MAP2: variants seen among roughly 807,000 people sequenced by gnomAD.
The protein encoded by MAP2 is microtubule associated protein 2.
Under a neutral mutation model 137.6 loss-of-function variants are expected in MAP2, and 14 were observed. That is an observed-to-expected ratio of 0.10 (90% confidence interval 0.07 to 0.16). The LOEUF (loss-of-function observed/expected upper bound fraction) is 0.16. Ranked by LOEUF, MAP2 falls within the 10% of genes least tolerant of loss-of-function variation. The pLI is 1.00. For missense variants in MAP2, 2,088 were observed against 2,191.5 expected (o/e 0.95, Z 0.94); for synonymous variants, 786 against 782.3 (o/e 1.00, Z -0.08).
intron 2 of MAP2, among the ~76,000 whole-genome samples, chr2:209,577,026 A>T (rs1048657567): frequency 6.6e-6 from 1 of 152,162 alleles, no homozygotes; most frequent in African/African-American, 2.4e-5. Context: ...GGACCCTGTT[A>T]TGTGCTTTCA....
chr2:209,704,788 A>T (rs1003387802), intron 11 of MAP2, among the ~76,000 whole-genome samples: 1 of 152,078 alleles, frequency 6.6e-6, no homozygotes, highest in African/African-American at 2.4e-5. Context: ...AAATTTTGAT[A>T]AACAGTATAC....
intron 2 of MAP2, among the ~76,000 whole-genome samples, chr2:209,535,738 G>T (rs2065860580): frequency 6.6e-6 from 1 of 151,668 alleles, no homozygotes; most frequent in Non-Finnish European, 1.5e-5. Flanking sequence ...TATGTTGTAG[G>T]TATTTTTCGA....
chr2:209,523,529 G>A (rs1396777), intron 2 of MAP2, among the ~76,000 whole-genome samples: 29,343 of 152,042 alleles, frequency 0.19, 3,458 homozygotes, highest in Non-Finnish European at 0.26. Flanking sequence ...GCTGGAGGCT[G>A]GACCCAAATG....
chr2:209,550,733 A>G (rs2069000931), intron 2 of MAP2, among the ~76,000 whole-genome samples: 1 of 152,126 alleles, frequency 6.6e-6, no homozygotes, highest in Admixed American at 6.5e-5. Flanking sequence ...AGAAGTCCCA[A>G]TAATATAATG....
At chr2:209,609,951 G>A (rs1206286611) in intron 3 of MAP2, among the ~76,000 whole-genome samples, 1 of 152,000 alleles carries the variant, frequency 6.6e-6, no homozygotes, top group East Asian at 1.9e-4. Flanking sequence ...TACTTATGGA[G>A]CACTAAGTGT....
chr2:209,489,051 T>A (rs758236887), intron 1 of MAP2, among the ~76,000 whole-genome samples: 1 of 152,152 alleles, frequency 6.6e-6, no homozygotes, highest in Non-Finnish European at 1.5e-5. Flanking sequence ...CTGGCTGGCA[T>A]CTGGTGGGTG....
At position 209,642,958 on chromosome 2, in the gene MAP2, G is replaced by A. The variant is rs529689595; in HGVS notation, c.-29-10184G>A. 5.8e-4 allele frequency among the ~76,000 whole-genome samples: 89 copies of A among 152,270 alleles called. 1 individual carries two copies. Among genetic ancestry groups the A allele is most frequent in the African/African-American group, 2.0e-3 (85 of 41,572 alleles). On this transcript the variant is annotated intron_variant, in intron 4 of 15. Coordinates refer to ENST00000682079, the MANE Select transcript of MAP2 (RefSeq NM_001375505.1). ...CTGATATGCATAGTAACAGTATAAA[G>A]CATAATTGAGCCTACATGGAAAAGA...
At chr2:209,545,038 GA>G (rs1040936449) in intron 2 of MAP2, among the ~76,000 whole-genome samples, 3 of 150,834 alleles carry the variant, frequency 2.0e-5, no homozygotes, top group African/African-American at 2.4e-5. Flanking sequence ...TGCCTGTTAG[GA>G]AAAAAAAATA....
chr2:209,732,705 G>C lies in MAP2; in HGVS notation c.*2308G>C, dbSNP rs2075929577. ...AACATTCTTTAAAGTTTTTATATAA[G>C]TTAACACTAGGTAAACATTCTGCAT... On this transcript the variant is annotated 3_prime_UTR_variant, in exon 16 of 16. Transcript: ENST00000682079. 6.6e-6 allele frequency: 1 copy of C among 152,414 alleles called. No homozygotes were observed. The highest frequency in any genetic ancestry group is 2.4e-5 in the African/African-American group (1 of 41,362). 9.4% of individuals were successfully genotyped at this position (152,414 alleles called of 1,614,324 possible).
intron 1 of MAP2, among the ~76,000 whole-genome samples, chr2:209,427,171 T>C (rs988228300): frequency 3.9e-5 from 6 of 152,176 alleles, no homozygotes; most frequent in African/African-American, 1.4e-4. Context: ...ATTGAATCCT[T>C]TCAATACTTA....
chr2:209,665,701 A>G (rs1296417012), intron 5 of MAP2, among the ~76,000 whole-genome samples: 7 of 152,176 alleles, frequency 4.6e-5, no homozygotes, highest in African/African-American at 1.4e-4. Flanking sequence ...TTATTTGCAA[A>G]TGAGTTCTTA....
intron 1 of MAP2, among the ~76,000 whole-genome samples, chr2:209,436,507 T>A (rs979575353): frequency 9.2e-5 from 14 of 151,820 alleles, no homozygotes; most frequent in Admixed American, 2.0e-4. Context: ...GACTGTATTT[T>A]GTCAACCCCT....
At chr2:209,704,677 T>C (rs2062850284) in intron 11 of MAP2, 1 of 1,472,362 alleles carries the variant, frequency 6.8e-7, no homozygotes, top group Admixed American at 2.3e-5. Flanking sequence ...GAGAAGGTTA[T>C]GTTATAGAAC....
At chr2:209,716,030 G>A (rs555809457) in intron 13 of MAP2, among the ~76,000 whole-genome samples, 20 of 152,144 alleles carry the variant, frequency 1.3e-4, no homozygotes, top group African/African-American at 4.6e-4. Context: ...CTACCTTAGC[G>A]CAGGATACAT....
At chr2:209,655,354 G>T (rs1473909374) in intron 5 of MAP2, among the ~76,000 whole-genome samples, 22 of 152,194 alleles carry the variant, frequency 1.4e-4, no homozygotes, top group Admixed American at 1.4e-3. Flanking sequence ...CTAAACTATG[G>T]TGTGATTTTT....
At chr2:209,542,338 T>C (rs1214552859) in intron 2 of MAP2, among the ~76,000 whole-genome samples, 1 of 152,206 alleles carries the variant, frequency 6.6e-6, no homozygotes, top group East Asian at 1.9e-4. Flanking sequence ...ATCCAGGTGG[T>C]TCCATTTGCA....
chr2:209,627,754 A>G (rs2092541343), intron 4 of MAP2, among the ~76,000 whole-genome samples: 2 of 152,162 alleles, frequency 1.3e-5, no homozygotes, highest in Non-Finnish European at 2.9e-5. Flanking sequence ...TAAAATGAGA[A>G]ACAGTCTATT....
chr2:209,696,563 C>T lies in MAP2; in HGVS notation c.4202C>T (p.Thr1401Ile). Residue 1401 changes from threonine to isoleucine, a missense_variant, in exon 9 of 16, where the codon ACA becomes ATA. Transcript: ENST00000682079. ...DTQDDDRSIM[T>I]EQLETIPKEE... ...ACAGATGATGATAGGAGCATCATGA[C>T]AGAACAGTTAGAAACTATTCCTAAA... The T allele has an allele frequency of 1.2e-6, 2 of 1,612,986 alleles. No homozygotes were observed. The highest frequency in any genetic ancestry group is 8.5e-7 in the Non-Finnish European group (1 of 1,179,558).
At chr2:209,491,824 A>G (rs899396308) in intron 1 of MAP2, among the ~76,000 whole-genome samples, 1 of 152,078 alleles carries the variant, frequency 6.6e-6, no homozygotes, top group African/African-American at 2.4e-5. Flanking sequence ...ACCAAAAAAA[A>G]CCCAGGATCA....
Sources: allele counts gnomAD v4.1 joint callset (sites outside exome capture counted in the v4.1 genomes callset), GRCh38; gene constraint gnomAD v4.1.1; transcripts MANE v1.5; gene names NCBI Gene and HGNC (gene_info 2026-07-23, HGNC 2026-07-21).